The following SKA2 variants were observed in gnomAD, a reference collection of about 807,000 sequenced individuals.
SKA2 encodes spindle and kinetochore-associated protein 2.
SKA2 carries 13 observed loss-of-function variants against 16.9 expected under a neutral mutation model. That is an observed-to-expected ratio of 0.77 (90% confidence interval 0.50 to 1.22). The LOEUF is 1.22. Among genes scored for constraint, SKA2 ranks in the 50% most tolerant of loss-of-function variants. The pLI, the probability that SKA2 is intolerant of heterozygous loss-of-function variation, is 0.00. For missense variants in SKA2, 107 were observed against 139.7 expected, an observed-to-expected ratio of 0.77 and a Z score of 1.18; for synonymous variants, 47 against 48.5, an observed-to-expected ratio of 0.97 and a Z score of 0.13.
At chr17:59,154,272 T>C (rs1264210974) in intron 1 of SKA2, among the ~76,000 whole-genome samples, 1 of 151,000 alleles carries the variant, frequency 6.6e-6, no homozygotes, top group Non-Finnish European at 1.5e-5. Context: ...GCGCGGGCGA[T>C]CAAGCTGGTA....
intron 2 of SKA2, among the ~76,000 whole-genome samples, chr17:59,127,895 G>A (rs1024596523): frequency 3.3e-5 from 5 of 152,112 alleles, no homozygotes; most frequent in Middle Eastern, 3.2e-3. Context: ...CAACACAAAT[G>A]ACCACCATCA....
rs535844908 is a variant in SKA2 at position 59,112,492 on chromosome 17, A to G, written c.298-147T>C. ...CAGATTTAGAAAGGCAAGGGAAAAAACAGATACTTGGCTATTTATATACAA... is the reference window on the plus strand; with the variant it reads ...CAGATTTAGAAAGGCAAGGGAAAAAGCAGATACTTGGCTATTTATATACAA... On this transcript the variant is annotated intron_variant, in intron 3 of 3. Transcript: ENST00000330137. The G allele has an allele frequency of 1.0e-4, 62 of 600,704 alleles. No homozygotes were observed. The Admixed American group carries it at 1.4e-3, about 14-fold the overall frequency. 37.2% of individuals were successfully genotyped at this position (600,704 alleles called of 1,614,324 possible).
At chr17:59,140,043 T>C (rs550386614) in intron 1 of SKA2, among the ~76,000 whole-genome samples, 2 of 152,336 alleles carry the variant, frequency 1.3e-5, no homozygotes, top group South Asian at 4.1e-4. Flanking sequence ...CTTTTTCTGC[T>C]GGAGAAAGTA....
intron 2 of SKA2, among the ~76,000 whole-genome samples, chr17:59,130,592 T>A (rs1469303237): frequency 6.6e-6 from 1 of 150,782 alleles, no homozygotes; most frequent in Non-Finnish European, 1.5e-5. Flanking sequence ...ATTGCACCAC[T>A]GCACTCCAGC....
Position 59,154,352 on chromosome 17 carries a change from C to T in SKA2, c.33+779G>A, listed in dbSNP as rs532417432. Reference sequence around the variant, plus strand: ...GGATCCTTAAAGAAAACTAGGACAGCCCCCCAGCTGGGCGCCCCCCGAGCA... The same window carrying T: ...GGATCCTTAAAGAAAACTAGGACAGTCCCCCAGCTGGGCGCCCCCCGAGCA... On this transcript the variant is annotated intron_variant, in intron 1 of 3. Transcript: ENST00000330137. 4.6e-5 allele frequency among the ~76,000 whole-genome samples: 7 copies of T among 152,014 alleles called. No individual in the cohort carries two copies. In the South Asian group the frequency reaches 1.3e-3, roughly 27 times the overall value.
At chr17:59,136,995 CAT>C (rs987838612) in intron 1 of SKA2, among the ~76,000 whole-genome samples, 6 of 152,056 alleles carry the variant, frequency 3.9e-5, no homozygotes, top group African/African-American at 9.7e-5. Flanking sequence ...AAGAGTCACA[CAT>C]GTGGAAAAAA....
chr17:59,147,188 A>G (rs2046539484), intron 1 of SKA2, among the ~76,000 whole-genome samples: 1 of 151,968 alleles, frequency 6.6e-6, no homozygotes, highest in Non-Finnish European at 1.5e-5. Context: ...AATGTCCTCA[A>G]ATGAACCCCT....
intron 1 of SKA2, among the ~76,000 whole-genome samples, chr17:59,154,172 G>GAAA (rs111310705): frequency 6.1e-5 from 7 of 114,870 alleles, no homozygotes; most frequent in African/African-American, 1.3e-4. Context: ...CCCAACCTGG[G>GAAA]AAAAAAAAAA....
chr17:59,118,825 C>T (rs982545809), intron 3 of SKA2, among the ~76,000 whole-genome samples: 5 of 152,158 alleles, frequency 3.3e-5, no homozygotes, highest in Admixed American at 2.0e-4. Context: ...GGTAATTAAC[C>T]TTTCTGATTT....
At chr17:59,141,568 C>T (rs2046489918) in intron 1 of SKA2, among the ~76,000 whole-genome samples, 1 of 151,210 alleles carries the variant, frequency 6.6e-6, no homozygotes, top group Non-Finnish European at 1.5e-5. Context: ...CTCATCTCTA[C>T]AAAAAATACA....
Position 59,129,109 on chromosome 17 carries a change from G to A in SKA2, c.120+2172C>T, listed in dbSNP as rs1445996521. Among the ~76,000 whole-genome samples the A allele has an allele frequency of 9.9e-5, 15 of 152,104 alleles. 1 individual carries two copies. The highest frequency in any genetic ancestry group is 9.2e-4 in the Admixed American group (14 of 15,254). The stretch of plus-strand genomic sequence containing the variant: ...CACGCCTATAATCCCAGCACTTTGG[G>A]AGGCCAAGGCAGGTAGATCGCTTGA... On this transcript the variant is annotated intron_variant, in intron 2 of 3. Transcript: ENST00000330137.
intron 1 of SKA2, among the ~76,000 whole-genome samples, chr17:59,154,726 C>T (rs1229457239): frequency 3.9e-5 from 6 of 152,224 alleles, no homozygotes; most frequent in African/African-American, 1.4e-4. Flanking sequence ...ATTCCCCACC[C>T]CACCCTCCGT....
At chr17:59,118,303 C>T (rs2147795133) in intron 3 of SKA2, 1 of 152,286 alleles carries the variant, frequency 6.6e-6, no homozygotes, top group South Asian at 2.1e-4. Context: ...TATATAACTA[C>T]TTTTATGTAC....
intron 2 of SKA2, among the ~76,000 whole-genome samples, chr17:59,127,045 T>C (rs1006125657): frequency 1.3e-5 from 2 of 152,268 alleles, no homozygotes; most frequent in East Asian, 3.9e-4. Flanking sequence ...CTTATATGAG[T>C]CCCTAGAGTA....
rs1021694311 is a variant in SKA2, at chr17:59,142,599, A to AT, written c.34-11233dup. Among the ~76,000 whole-genome samples the AT allele has an allele frequency of 9.4e-5, 14 of 149,172 alleles. No homozygotes were observed. The East Asian group carries it at 1.8e-3, about 19-fold the overall frequency. Reference sequence around the variant, plus strand: ...GTCACCGTGCCCAGCCTATGTATGTATTTTTTTAATTTTTATATTTTAATA... The same window carrying AT: ...GTCACCGTGCCCAGCCTATGTATGTATTTTTTTTAATTTTTATATTTTAATA... On this transcript the variant is annotated intron_variant, in intron 1 of 3. Transcript: ENST00000330137.
chr17:59,154,263 C>G (rs1362814294), intron 1 of SKA2, among the ~76,000 whole-genome samples: 1 of 151,636 alleles, frequency 6.6e-6, no homozygotes, highest in Non-Finnish European at 1.5e-5. Flanking sequence ...AGGAAAAAAG[C>G]GCGGGCGATC....
chr17:59,112,980 C>T (rs1389916829), intron 3 of SKA2, among the ~76,000 whole-genome samples: 1 of 151,896 alleles, frequency 6.6e-6, no homozygotes, highest in Non-Finnish European at 1.5e-5. Context: ...GTGGCACAAT[C>T]ATGGCTCCCT....
chr17:59,154,990 C>T, intron 1 of SKA2, 141 bp downstream of exon 1: 2 of 1,614,008 alleles, frequency 1.2e-6, no homozygotes, highest in Non-Finnish European at 1.7e-6. Flanking sequence ...GTGGCGGCTC[C>T]CTTTGGTGCA....
intron 1 of SKA2, chr17:59,154,840 G>A: frequency 9.0e-7 from 1 of 1,107,322 alleles, no homozygotes; most frequent in Non-Finnish European, 1.3e-6. Context: ...TCTGCACCCG[G>A]CGCAGTTTCG....
Sources: allele counts gnomAD v4.1 joint callset (sites outside exome capture counted in the v4.1 genomes callset), GRCh38; gene constraint gnomAD v4.1.1; transcripts MANE v1.5; gene names NCBI Gene and HGNC (gene_info 2026-07-23, HGNC 2026-07-21).